Variants in HPS5 observed in about 807,000 individuals in gnomAD.
HPS5 encodes the protein BLOC-2 complex member HPS5.
A neutral mutation model predicts 128.0 loss-of-function variants in HPS5; 83 were observed. The observed-to-expected ratio is 0.65, with a 90% CI of 0.54 to 0.78. The LOEUF is 0.78. Among genes scored for constraint, HPS5 ranks in the 30% least tolerant of loss-of-function variants. The pLI is 0.00. For synonymous variants in HPS5, 475 were observed against 470.2 expected (o/e 1.01, Z -0.13); for missense variants, 1,281 against 1,326.2 (o/e 0.97, Z 0.53).
At chr11:18,319,294 C>T (rs1263617579) in intron 1 of HPS5, among the ~76,000 whole-genome samples, 1 of 103,282 alleles carries the variant, frequency 9.7e-6, no homozygotes, top group Non-Finnish European at 2.1e-5. Flanking sequence ...CACACACACA[C>T]ATCTTATAAG....
At chr11:18,298,146 T>C (rs1041973977) in intron 10 of HPS5, among the ~76,000 whole-genome samples, 2 of 151,338 alleles carry the variant, frequency 1.3e-5, no homozygotes, top group Admixed American at 6.6e-5. Flanking sequence ...TCAATGGTGC[T>C]TTAAAAAGGC....
intron 16 of HPS5, among the ~76,000 whole-genome samples, chr11:18,290,636 C>A (rs1189391733): frequency 2.6e-5 from 4 of 152,148 alleles, no homozygotes; most frequent in Non-Finnish European, 5.9e-5. Flanking sequence ...AAACTAATTT[C>A]TAGGGCCAGG....
At chr11:18,300,270 T>C (rs185089849) in intron 9 of HPS5, among the ~76,000 whole-genome samples, 1 of 152,222 alleles carries the variant, frequency 6.6e-6, no homozygotes, top group Admixed American at 6.5e-5. Context: ...GTACAATTAT[T>C]ATGTGTCAAT....
chr11:18,292,135 A>C (rs1303926615), intron 15 of HPS5, 116 bp from the exon 16 acceptor site: 1 of 741,578 alleles, frequency 1.3e-6, no homozygotes, highest in Non-Finnish European at 2.3e-6. Context: ...AATAAACGTT[A>C]CTTTTCAACT....
Position 18,300,851 on chromosome 11 carries a change from A to C in HPS5, c.962T>G (p.Val321Gly). 1.9e-6 allele frequency: 3 copies of C among 1,584,486 alleles called. No homozygotes were observed. Among genetic ancestry groups the C allele is most frequent in the Non-Finnish European group, 2.6e-6 (3 of 1,153,090 alleles). Residue 321 changes from valine (V) to glycine (G), a missense_variant, in exon 9 of 23, where the codon GTT becomes GGT. Coordinates refer to ENST00000349215, the MANE Select transcript of HPS5 (RefSeq NM_181507.2). Reference protein sequence around the residue: ...IYIFIPQNVQVLLWSEVKDIQ... With the variant: ...IYIFIPQNVQGLLWSEVKDIQ... The stretch of plus-strand genomic sequence containing the variant: ...ACCTTTGACTTCACTCCAAAGAAGA[A>C]CTTGAACATTCTGAGGAATGAAAAT...
intron 8 of HPS5, among the ~76,000 whole-genome samples, chr11:18,303,453 C>T (rs189852934): frequency 1.0e-3 from 158 of 152,326 alleles, no homozygotes; most frequent in African/African-American, 2.9e-3. Flanking sequence ...GTTGCTTTAG[C>T]TGAGGAATAG....
chr11:18,281,383 C>T (rs565285131), intron 22 of HPS5, among the ~76,000 whole-genome samples: 2 of 151,716 alleles, frequency 1.3e-5, no homozygotes, highest in East Asian at 1.9e-4. Context: ...CATAAGCCAC[C>T]GTACCCAGCC....
rs760035258 is a variant in HPS5, at chr11:18,292,854, A to C, written c.1862+45T>G. 9.4e-6 allele frequency: 13 copies of C among 1,389,462 alleles called. No homozygotes were observed. The South Asian group carries it at 1.5e-4, about 16-fold the overall frequency. The allele number at this position is 1,389,462 out of a possible 1,614,324, so 86.1% of individuals were successfully genotyped here. A position where few individuals can be genotyped will look rare whatever the true frequency, so the allele number is the denominator to read the frequency against. On this transcript the variant is annotated intron_variant, in intron 15 of 22. Coordinates refer to ENST00000349215, the MANE Select transcript of HPS5 (RefSeq NM_181507.2). ...AATATAATGATTCACTTCGTTTACT[A>C]AACTGCCTTGAGACGTCACTATAAA...
At chr11:18,301,373 T>C (rs1238682397) in intron 8 of HPS5, among the ~76,000 whole-genome samples, 1 of 149,354 alleles carries the variant, frequency 6.7e-6, no homozygotes, top group Non-Finnish European at 1.5e-5. Context: ...GGAGAATCAC[T>C]TACAGGGAGG....
downstream of HPS5, chr11:18,278,675 G>A (rs1649343780): frequency 6.6e-6 from 1 of 152,170 alleles, no homozygotes; most frequent in South Asian, 2.1e-4. Flanking sequence ...GAGTTGAATT[G>A]TTCAGTGCAT....
At chr11:18,320,227 C>G (rs1047697973) in intron 1 of HPS5, among the ~76,000 whole-genome samples, 2 of 152,208 alleles carry the variant, frequency 1.3e-5, no homozygotes, top group African/African-American at 4.8e-5. Flanking sequence ...TATGTTTACT[C>G]TCCCTGAAAT....
chr11:18,298,408 T>C (rs2134351111), intron 10 of HPS5, among the ~76,000 whole-genome samples: 1 of 152,204 alleles, frequency 6.6e-6, no homozygotes, highest in Middle Eastern at 3.4e-3. Flanking sequence ...GACACGCGAA[T>C]TGCTTGAACC....
intron 5 of HPS5, 42 bp downstream of exon 5, chr11:18,310,699 T>C (rs1240065814): frequency 2.8e-6 from 4 of 1,426,400 alleles, no homozygotes; most frequent in Non-Finnish European, 3.9e-6. Context: ...AGACAACACC[T>C]TGTATCTCAC....
At chr11:18,318,105 A>C (rs1360097915) in intron 1 of HPS5, among the ~76,000 whole-genome samples, 198 bp from the exon 2 acceptor site, 1 of 152,220 alleles carries the variant, frequency 6.6e-6, no homozygotes, top group Non-Finnish European at 1.5e-5. Context: ...CTCCCAGAGT[A>C]GCAGGTACGG....
intron 6 of HPS5, 66 bp downstream of exon 6, chr11:18,308,880 T>A (rs1421563857): frequency 6.6e-7 from 1 of 1,517,776 alleles, no homozygotes; most frequent in East Asian, 2.3e-5. Context: ...TTGGGGTAGA[T>A]AACTTCTAAG....
intron 2 of HPS5, among the ~76,000 whole-genome samples, chr11:18,314,720 A>G (rs1026531508): frequency 1.3e-5 from 2 of 151,654 alleles, no homozygotes; most frequent in Non-Finnish European, 1.5e-5. Context: ...ATTCCTTTTG[A>G]GATAGGGTCT....
At chr11:18,311,508 ATTATT>A (rs1862995417) in intron 3 of HPS5, 57 bp from the exon 4 acceptor site, 4 of 779,134 alleles carry the variant, frequency 5.1e-6, no homozygotes, top group Non-Finnish European at 5.6e-6. Flanking sequence ...TATTATTATT[ATTATT>A]TTTTTTTTTT....
In HPS5 at chr11:18,311,514, T is replaced by TTA. The variant is rs1554944996; in HGVS notation, c.220-64_220-63insTA. 4,936 of 535,334 alleles carry TTA rather than the reference T, an allele frequency of 9.2e-3. 8 individuals are homozygous for TTA. The highest frequency in any genetic ancestry group is 0.014 in the East Asian group (251 of 17,702). 33.2% of individuals were successfully genotyped at this position (535,334 alleles called of 1,614,324 possible). ...GTTTTACATTATTATTATTATTATT[T>TTA]TTTTTTTTTTTTTTGAGACTGAGTC... On this transcript the variant is annotated intron_variant, in intron 3 of 22. Transcript: ENST00000349215.
chr11:18,292,874 T>C, intron 15 of HPS5, 25 bp downstream of exon 15: 1 of 1,566,760 alleles, frequency 6.4e-7, no homozygotes, highest in Non-Finnish European at 8.8e-7. Flanking sequence ...GAGACGTCAC[T>C]ATAAAAGTTT....
Sources: allele counts gnomAD v4.1 joint callset (sites outside exome capture counted in the v4.1 genomes callset), GRCh38; gene constraint gnomAD v4.1.1; transcripts MANE v1.5; gene names NCBI Gene and HGNC (gene_info 2026-07-23, HGNC 2026-07-21).